Variants in GUCY1A2 observed in about 807,000 individuals in gnomAD.
GUCY1A2 encodes guanylate cyclase 1 soluble subunit alpha 2.
GUCY1A2 carries 27 observed loss-of-function variants against 63.5 expected under a neutral mutation model. That is an observed-to-expected ratio of 0.43 (90% CI 0.31 to 0.59). The LOEUF (loss-of-function observed/expected upper bound fraction) is 0.59, where lower values mean the gene tolerates loss of function less well. GUCY1A2 is among the 20% of genes least tolerant of loss of function. The pLI, the probability that GUCY1A2 is intolerant of heterozygous loss-of-function variation, is 0.11. For synonymous variants in GUCY1A2, 364 were observed against 343.5 expected, an observed-to-expected ratio of 1.06 and a Z score of -0.66; for missense variants, 768 against 913.3, an observed-to-expected ratio of 0.84 and a Z score of 2.05.
chr11:107,011,704 A>G (rs1172401323), intron 1 of GUCY1A2, among the ~76,000 whole-genome samples: 2 of 148,636 alleles, frequency 1.3e-5, no homozygotes, highest in African/African-American at 4.9e-5. Context: ...GTCATTTCTC[A>G]TTGACAAAAT....
At chr11:106,723,029 AAT>A (rs1261146415) in intron 6 of GUCY1A2, among the ~76,000 whole-genome samples, 8 of 152,206 alleles carry the variant, frequency 5.3e-5, no homozygotes, top group African/African-American at 1.9e-4. Flanking sequence ...GGACTATTAA[AAT>A]AGTTATTTTG....
At chr11:106,827,420 C>T (rs1403904461) in intron 4 of GUCY1A2, 19 of 1,470,342 alleles carry the variant, frequency 1.3e-5, no homozygotes, top group East Asian at 4.5e-5. Context: ...AACTCAAGTG[C>T]GATACCACCG....
In GUCY1A2 at chr11:106,939,856, C is replaced by T. The variant is rs767302848; in HGVS notation, c.810G>A (p.Gln270=). 2 of 1,614,136 alleles carry T rather than the reference C, an allele frequency of 1.2e-6. No individual in the cohort carries two copies. Among genetic ancestry groups the T allele is most frequent in the South Asian group, 1.1e-5 (1 of 91,088 alleles). The part of the protein sequence containing the change: ...KIYRLDVEVE[Q]VANEKLCSDV... ...CAGAGCATAGCTTCTCATTTGCAAC[C>T]TGTTCCACTTCCACATCCAGCCGAT... The change falls in exon 4 of 8, where the codon CAG becomes CAA. Residue 270 remains glutamine (Q), a synonymous_variant. Transcript: ENST00000526355.
chr11:106,948,990 A>T (rs907727541), intron 3 of GUCY1A2, among the ~76,000 whole-genome samples: 1 of 152,212 alleles, frequency 6.6e-6, no homozygotes, highest in Non-Finnish European at 1.5e-5. Context: ...ACATATAAAA[A>T]AGATGTAAAA....
At chr11:106,890,370 A>T (rs975472854) in intron 4 of GUCY1A2, among the ~76,000 whole-genome samples, 4 of 152,178 alleles carry the variant, frequency 2.6e-5, no homozygotes, top group African/African-American at 4.8e-5. Flanking sequence ...CAAGAGGAAA[A>T]CAGTAGCACA....
At chr11:106,974,859 G>GTATA (rs1475084987) in intron 3 of GUCY1A2, among the ~76,000 whole-genome samples, 2 of 152,130 alleles carry the variant, frequency 1.3e-5, no homozygotes, top group Non-Finnish European at 2.9e-5. Context: ...AGCAAGGGCA[G>GTATA]TATAAAACTA....
intron 6 of GUCY1A2, among the ~76,000 whole-genome samples, chr11:106,754,181 C>T (rs1435200476): frequency 1.3e-5 from 2 of 152,106 alleles, no homozygotes; most frequent in African/African-American, 2.4e-5. Context: ...TATAGGAATG[C>T]TTGTGATTTT....
chr11:106,845,176 T>G (rs965317083), intron 4 of GUCY1A2, among the ~76,000 whole-genome samples: 6 of 151,644 alleles, frequency 4.0e-5, no homozygotes, highest in Non-Finnish European at 5.9e-5. Context: ...CAGAGTCTAC[T>G]CCAGGCCAAA....
intron 4 of GUCY1A2, among the ~76,000 whole-genome samples, chr11:106,873,560 A>T (rs576612799): frequency 6.6e-6 from 1 of 152,078 alleles, no homozygotes; most frequent in Non-Finnish European, 1.5e-5. Flanking sequence ...GGCCACGTAC[A>T]TGTCTTTTTT....
intron 3 of GUCY1A2, among the ~76,000 whole-genome samples, chr11:106,960,814 G>A (rs539358966): frequency 6.6e-5 from 10 of 152,004 alleles, no homozygotes; most frequent in Non-Finnish European, 1.0e-4. Context: ...AAGAGTTAAG[G>A]AAGAACAAAG....
chr11:106,726,886 G>A (rs1370356612), intron 6 of GUCY1A2, among the ~76,000 whole-genome samples: 1 of 152,184 alleles, frequency 6.6e-6, no homozygotes, highest in Non-Finnish European at 1.5e-5. Flanking sequence ...CAGCTTTGAG[G>A]TGGTTCTGGA....
intron 4 of GUCY1A2, among the ~76,000 whole-genome samples, chr11:106,842,429 A>G (rs1225968482): frequency 2.0e-5 from 3 of 152,008 alleles, no homozygotes; most frequent in Non-Finnish European, 4.4e-5. Flanking sequence ...AGTGTTGTAG[A>G]ATAAACAGAC....
intron 6 of GUCY1A2, among the ~76,000 whole-genome samples, chr11:106,711,050 AT>A (rs750687468): frequency 7.2e-4 from 110 of 152,248 alleles, no homozygotes; most frequent in Middle Eastern, 3.4e-3. Flanking sequence ...TGACTCTAAA[AT>A]TTATTTGAAA....
intron 4 of GUCY1A2, among the ~76,000 whole-genome samples, chr11:106,860,423 TTCTG>T (rs1184242374): frequency 5.3e-5 from 8 of 151,996 alleles, no homozygotes; most frequent in Admixed American, 1.3e-4. Flanking sequence ...TTGTTAGAGT[TTCTG>T]TCTTTCAAAT....
rs1297309170 is a variant in GUCY1A2 at position 106,900,079 on chromosome 11, C to T, written c.1206+39381G>A. Among the ~76,000 whole-genome samples, 21 of 141,928 alleles carry T rather than the reference C, an allele frequency of 1.5e-4. 1 individual carries two copies. Among genetic ancestry groups the T allele is most frequent in the African/African-American group, 4.9e-4 (19 of 38,462 alleles). 93.1% of individuals were successfully genotyped at this position (141,928 alleles called of 152,430 possible). ...CCAGCCTAGGCGACAGAGCGAGACT[C>T]CGTCTCAAAAAAAAAAAAAAAAAAC... On this transcript the variant is annotated intron_variant, in intron 4 of 7. Transcript: ENST00000526355.
intron 1 of GUCY1A2, among the ~76,000 whole-genome samples, chr11:107,012,934 T>C (rs1371171958): frequency 2.6e-5 from 4 of 152,220 alleles, no homozygotes; most frequent in Admixed American, 6.5e-5. Flanking sequence ...ACACATACTT[T>C]CTAAGGTTTT....
intron 3 of GUCY1A2, among the ~76,000 whole-genome samples, chr11:106,949,040 T>C (rs1860868746): frequency 6.6e-6 from 1 of 152,140 alleles, no homozygotes; most frequent in Admixed American, 6.6e-5. Flanking sequence ...AAGCTAAAAC[T>C]GTCAAAATAA....
At chr11:106,954,876 C>T (rs549888041) in intron 3 of GUCY1A2, among the ~76,000 whole-genome samples, 74 of 152,014 alleles carry the variant, frequency 4.9e-4, no homozygotes, top group African/African-American at 1.7e-3. Context: ...TCCTCCATCC[C>T]TTTATTTTGA....
At chr11:106,867,075 TAA>T (rs750281164) in intron 4 of GUCY1A2, among the ~76,000 whole-genome samples, 8 of 152,022 alleles carry the variant, frequency 5.3e-5, no homozygotes, top group Non-Finnish European at 1.0e-4. Flanking sequence ...AATTAATTAA[TAA>T]GTCAGTTAAT....
Sources: gnomAD v4.1 joint callset for allele counts (sites outside exome capture counted in the v4.1 genomes callset) on GRCh38, gnomAD v4.1.1 for gene constraint, MANE v1.5 for transcripts, NCBI Gene and HGNC (gene_info 2026-07-23, HGNC 2026-07-21) for gene names.